The following AGXT2 variants were observed in gnomAD, a reference collection of about 807,000 sequenced individuals.
AGXT2 encodes alanine--glyoxylate aminotransferase 2, also known as alanine--glyoxylate aminotransferase 2, mitochondrial.
AGXT2 carries 61 observed loss-of-function variants against 62.5 expected under a neutral mutation model. That is an observed-to-expected ratio of 0.98 (90% confidence interval 0.79 to 1.21). The LOEUF (loss-of-function observed/expected upper bound fraction) is 1.21. Ranked by LOEUF, AGXT2 falls within the 50% of genes most tolerant of loss-of-function variation. The pLI, the probability that AGXT2 is intolerant of heterozygous loss-of-function variation, is 0.00. For missense variants in AGXT2, 666 were observed against 641.5 expected, an observed-to-expected ratio of 1.04 and a Z score of -0.41; for synonymous variants, 243 against 218.7, an observed-to-expected ratio of 1.11 and a Z score of -0.98.
intron 9 of AGXT2, among the ~76,000 whole-genome samples, chr5:35,024,258 T>A (rs1767237635): frequency 6.6e-6 from 1 of 152,060 alleles, no homozygotes; most frequent in African/African-American, 2.4e-5. Flanking sequence ...GAAATAGGTG[T>A]GAAACATACT....
At chr5:35,032,602 T>C (rs1398145172) in intron 7 of AGXT2, 130 bp downstream of exon 7, 18 of 850,122 alleles carry the variant, frequency 2.1e-5, no homozygotes, top group Non-Finnish European at 2.9e-5. Flanking sequence ...TACTTTCCAG[T>C]TTTGCTTCCT....
intron 12 of AGXT2, 121 bp from the exon 13 acceptor site, chr5:35,003,982 C>A: frequency 1.2e-6 from 1 of 847,238 alleles, no homozygotes; most frequent in African/African-American, 1.7e-5. Flanking sequence ...TTTCTCTCTC[C>A]CTCTTTCTCT....
chr5:35,037,848 C>T (rs1767840924), intron 3 of AGXT2, among the ~76,000 whole-genome samples: 1 of 152,188 alleles, frequency 6.6e-6, no homozygotes, highest in Non-Finnish European at 1.5e-5. Context: ...TTAGAAGGTT[C>T]ATACTGAGAG....
Position 35,033,920 on chromosome 5 carries a change from A to AT in AGXT2, c.582-368dup, listed in dbSNP as rs60847677. On this transcript the variant is annotated intron_variant, in intron 5 of 13. Coordinates refer to ENST00000231420, the MANE Select transcript of AGXT2 (RefSeq NM_031900.4). ...AAGTAGTCGCTTTGGGAAGCCAAAT[A>AT]TTTTTTCCTATGATATACCTGTTGT... Among the ~76,000 whole-genome samples, 1,227 of 152,142 alleles carry AT rather than the reference A, an allele frequency of 8.1e-3. 16 individuals carry two copies. Among genetic ancestry groups the AT allele is most frequent in the African/African-American group, 0.028 (1,179 of 41,508 alleles).
chr5:34,998,619 G>T lies in AGXT2; in HGVS notation c.*100C>A, dbSNP rs1415159640. ...TTACAGCTCCTGTGGAGAGCTGCAG[G>T]CTTTCTCTGGATACCAGTGGTTCTG... On this transcript the variant is annotated 3_prime_UTR_variant, in exon 14 of 14. Coordinates refer to ENST00000231420, the MANE Select transcript of AGXT2 (RefSeq NM_031900.4). 2 of 943,886 alleles carry T rather than the reference G, an allele frequency of 2.1e-6. No homozygotes were observed. Among genetic ancestry groups the T allele is most frequent in the East Asian group, 2.6e-5 (1 of 39,162 alleles). 58.5% of individuals were successfully genotyped at this position (943,886 alleles called of 1,614,324 possible).
chr5:35,037,419 T>C (rs1279857089), intron 3 of AGXT2, among the ~76,000 whole-genome samples: 1 of 152,222 alleles, frequency 6.6e-6, no homozygotes, highest in Non-Finnish European at 1.5e-5. Flanking sequence ...AGATGACTAG[T>C]TGTAAGCCTG....
At position 35,039,304 on chromosome 5, in the gene AGXT2, C is replaced by T; in HGVS notation, c.362+20G>A. ...TGCATTCTTTTGGAATAAAAATCTCCAGATTTTAAGGATACTCACGGGTGG... is the reference window on the plus strand; with the variant it reads ...TGCATTCTTTTGGAATAAAAATCTCTAGATTTTAAGGATACTCACGGGTGG... On this transcript the variant is annotated intron_variant, in intron 3 of 13. Transcript: ENST00000231420. The T allele has an allele frequency of 6.2e-7, 1 of 1,611,670 alleles. No individual in the cohort carries two copies. The highest frequency in any genetic ancestry group is 8.5e-7 in the Non-Finnish European group (1 of 1,177,794).
At chr5:35,010,921 C>A (rs1277520713) in intron 11 of AGXT2, among the ~76,000 whole-genome samples, 4 of 152,180 alleles carry the variant, frequency 2.6e-5, no homozygotes, top group Non-Finnish European at 5.9e-5. Context: ...AGCCAAGCAG[C>A]CTGGTCTGAG....
chr5:35,002,747 C>G (rs1322354236), intron 13 of AGXT2, among the ~76,000 whole-genome samples: 1 of 150,810 alleles, frequency 6.6e-6, no homozygotes, highest in Admixed American at 6.6e-5. Context: ...TATAAGCCAC[C>G]CAGGCTATGG....
At chr5:35,025,931 C>G in intron 8 of AGXT2, 76 bp from the exon 9 acceptor site, 1 of 1,129,002 alleles carries the variant, frequency 8.9e-7, no homozygotes, top group Non-Finnish European at 1.3e-6. Context: ...GTTAGATCAT[C>G]ATTATCATCA....
At chr5:35,038,765 T>C (rs1372251838) in intron 3 of AGXT2, among the ~76,000 whole-genome samples, 1 of 152,192 alleles carries the variant, frequency 6.6e-6, no homozygotes. Flanking sequence ...CCAAGAACGC[T>C]CCAAGGGTAT....
chr5:35,021,524 A>G (rs1298826520), intron 9 of AGXT2, among the ~76,000 whole-genome samples: 9 of 150,408 alleles, frequency 6.0e-5, no homozygotes, highest in African/African-American at 2.2e-4. Flanking sequence ...AGCCATATGT[A>G]GAAAGCTGAA....
intron 1 of AGXT2, among the ~76,000 whole-genome samples, chr5:35,041,307 G>A (rs1307646621): frequency 7.0e-6 from 1 of 142,988 alleles, no homozygotes; most frequent in Admixed American, 7.1e-5. Flanking sequence ...AATATTTGGA[G>A]CTAGGAGGGA....
intron 13 of AGXT2, among the ~76,000 whole-genome samples, chr5:35,001,498 T>C (rs1306377993): frequency 6.6e-6 from 1 of 152,258 alleles, no homozygotes; most frequent in Non-Finnish European, 1.5e-5. Flanking sequence ...ATCCTGGTTC[T>C]GTCATTACTT....
chr5:35,020,457 A>G (rs1211847607), intron 9 of AGXT2, among the ~76,000 whole-genome samples: 1 of 152,234 alleles, frequency 6.6e-6, no homozygotes, highest in African/African-American at 2.4e-5. Context: ...ATATAAGCAG[A>G]ACCAAAGACA....
intron 6 of AGXT2, 129 bp from the exon 7 acceptor site, chr5:35,032,954 T>A: frequency 3.9e-6 from 3 of 775,852 alleles, no homozygotes; most frequent in Non-Finnish European, 6.6e-6. Flanking sequence ...CCACTTAAGA[T>A]GAAAATTGAA....
intron 12 of AGXT2, among the ~76,000 whole-genome samples, chr5:35,004,126 C>A (rs895440882): frequency 3.3e-5 from 5 of 152,142 alleles, no homozygotes; most frequent in African/African-American, 1.2e-4. Flanking sequence ...AAGTTCTGTG[C>A]GGATAGCCAG....
At chr5:34,998,914 C>T in intron 13 of AGXT2, 88 bp from the exon 14 acceptor site, 2 of 994,874 alleles carry the variant, frequency 2.0e-6, no homozygotes, top group Non-Finnish European at 3.1e-6. Context: ...AATCCAAAAC[C>T]TTGTGTTTAG....
intron 7 of AGXT2, among the ~76,000 whole-genome samples, chr5:35,027,827 A>G (rs922529029): frequency 2.0e-5 from 3 of 149,594 alleles, no homozygotes; most frequent in African/African-American, 7.4e-5. Flanking sequence ...AGCGTTCACA[A>G]TGCAAAGCCT....
Sources: allele counts gnomAD v4.1 joint callset (sites outside exome capture counted in the v4.1 genomes callset), GRCh38; gene constraint gnomAD v4.1.1; transcripts MANE v1.5; gene names NCBI Gene and HGNC (gene_info 2026-07-23, HGNC 2026-07-21).